The following PXDNL variants were observed in gnomAD, a reference collection of about 807,000 sequenced individuals.
The protein encoded by PXDNL is probable oxidoreductase PXDNL.
A neutral mutation model predicts 150.8 loss-of-function variants in PXDNL; 145 were observed. That is an observed-to-expected ratio of 0.96 (90% CI 0.84 to 1.10). The LOEUF (loss-of-function observed/expected upper bound fraction) is 1.10, where lower values mean the gene tolerates loss of function less well. Ranked by LOEUF, PXDNL falls within the 50% of genes least tolerant of loss-of-function variation. The probability of loss-of-function intolerance (pLI) is 0.00; values close to 1 mark genes in which losing one functional copy is unlikely to be tolerated. For synonymous variants in PXDNL, 757 were observed against 725.7 expected, an observed-to-expected ratio of 1.04 and a Z score of -0.69; for missense variants, 2,087 against 1,873.9, an observed-to-expected ratio of 1.11 and a Z score of -2.10.
At chr8:51,463,340 G>A (rs1263695549) in intron 8 of PXDNL, among the ~76,000 whole-genome samples, 1 of 152,140 alleles carries the variant, frequency 6.6e-6, no homozygotes, top group Non-Finnish European at 1.5e-5. Flanking sequence ...TGGCAAGTTG[G>A]ATTTTTAAAA....
At chr8:51,658,104 G>A (rs1412479664) in intron 1 of PXDNL, among the ~76,000 whole-genome samples, 2 of 152,108 alleles carry the variant, frequency 1.3e-5, no homozygotes, top group African/African-American at 4.8e-5. Context: ...AGCACTTTGG[G>A]AGGCTGAGGC....
intron 8 of PXDNL, among the ~76,000 whole-genome samples, chr8:51,460,623 C>G (rs964302620): frequency 1.3e-5 from 2 of 151,412 alleles, no homozygotes; most frequent in Admixed American, 6.6e-5. Flanking sequence ...GTGCCAAGAC[C>G]CGTTCCTAGT....
chr8:51,569,371 TA>T (rs997211956), intron 3 of PXDNL, among the ~76,000 whole-genome samples: 2 of 151,958 alleles, frequency 1.3e-5, no homozygotes, highest in African/African-American at 4.8e-5. Context: ...ATTTTCAAAG[TA>T]AAATTTGGAG....
At chr8:51,669,659 A>G (rs1290944451) in intron 1 of PXDNL, among the ~76,000 whole-genome samples, 3 of 152,128 alleles carry the variant, frequency 2.0e-5, no homozygotes, top group Non-Finnish European at 4.4e-5. Flanking sequence ...GTTAGATGGA[A>G]TTCCTGATTT....
intron 1 of PXDNL, among the ~76,000 whole-genome samples, chr8:51,762,835 T>C (rs2037179194): frequency 6.6e-6 from 1 of 152,150 alleles, no homozygotes; most frequent in Non-Finnish European, 1.5e-5. Context: ...TTTACAGAGT[T>C]TGACTCTTTT....
chr8:51,792,794 G>A (rs1374586660), intron 1 of PXDNL, among the ~76,000 whole-genome samples: 3 of 152,174 alleles, frequency 2.0e-5, no homozygotes, highest in East Asian at 1.9e-4. Flanking sequence ...TGGAGTTTCC[G>A]CAACTCCAGC....
chr8:51,540,434 G>A (rs60123283), intron 4 of PXDNL, among the ~76,000 whole-genome samples: 5,152 of 151,936 alleles, frequency 0.034, 298 homozygotes, highest in African/African-American at 0.12. Flanking sequence ...TTGAGTTTTC[G>A]TTCTTATTCT....
rs887530367 is a variant in PXDNL, at chr8:51,494,140, A to G, written c.452+5559T>C. Reference sequence around the variant, plus strand: ...GGGCCAATATTCAACATTCTTAAAGAAAAGAATTTTCAACCCAGAATTTCA... The same window carrying G: ...GGGCCAATATTCAACATTCTTAAAGGAAAGAATTTTCAACCCAGAATTTCA... On this transcript the variant is annotated intron_variant, in intron 5 of 22. Coordinates refer to ENST00000356297, the MANE Select transcript of PXDNL (RefSeq NM_144651.5). 2.2e-4 allele frequency among the ~76,000 whole-genome samples: 32 copies of G among 144,744 alleles called. 1 individual carries two copies. The highest frequency in any genetic ancestry group is 1.2e-3 in the Admixed American group (17 of 14,502). 95.0% of individuals were successfully genotyped at this position (144,744 alleles called of 152,430 possible). A position where few individuals can be genotyped will look rare whatever the true frequency, so the allele number is the denominator to read the frequency against.
At chr8:51,557,337 A>T (rs537551164) in intron 3 of PXDNL, among the ~76,000 whole-genome samples, 1 of 152,298 alleles carries the variant, frequency 6.6e-6, no homozygotes, top group Admixed American at 6.5e-5. Context: ...CATCTTAGAG[A>T]TGCATAAGAT....
At chr8:51,778,750 A>C (rs1409622966) in intron 1 of PXDNL, among the ~76,000 whole-genome samples, 1 of 152,194 alleles carries the variant, frequency 6.6e-6, no homozygotes, top group African/African-American at 2.4e-5. Flanking sequence ...TTTCACTTTT[A>C]AATGAAAGAT....
Position 51,388,217 on chromosome 8 carries a change from C to G in PXDNL, c.3558-13486G>C, listed in dbSNP as rs555789849. On this transcript the variant is annotated intron_variant, in intron 17 of 22. Coordinates refer to ENST00000356297, the MANE Select transcript of PXDNL (RefSeq NM_144651.5). Reference sequence around the variant, plus strand: ...TTTTGATATTGGCTTTCTTATTATTCGAAGACCAAATAGAAAATTATTCAA... The same window carrying G: ...TTTTGATATTGGCTTTCTTATTATTGGAAGACCAAATAGAAAATTATTCAA... Among the ~76,000 whole-genome samples, 22 of 152,170 alleles carry G rather than the reference C, an allele frequency of 1.4e-4. 1 individual carries two copies. The highest frequency in any genetic ancestry group is 5.1e-4 in the African/African-American group (21 of 41,532).
intron 8 of PXDNL, among the ~76,000 whole-genome samples, chr8:51,466,035 A>T (rs1162584640): frequency 6.6e-6 from 1 of 151,904 alleles, no homozygotes; most frequent in Non-Finnish European, 1.5e-5. Context: ...TCACAGATTT[A>T]GAAAAAAAAA....
chr8:51,688,793 A>G (rs1290441880), intron 1 of PXDNL, among the ~76,000 whole-genome samples: 2 of 152,226 alleles, frequency 1.3e-5, no homozygotes, highest in Non-Finnish European at 2.9e-5. Flanking sequence ...AAAGGAGGGC[A>G]TGCATATTTT....
At chr8:51,767,648 A>G (rs1469889153) in intron 1 of PXDNL, among the ~76,000 whole-genome samples, 1 of 151,940 alleles carries the variant, frequency 6.6e-6, no homozygotes, top group East Asian at 1.9e-4. Context: ...ACCTACAGAT[A>G]CTCTTTTCAA....
At chr8:51,555,011 A>C (rs1471840733) in intron 4 of PXDNL, among the ~76,000 whole-genome samples, 2 of 152,194 alleles carry the variant, frequency 1.3e-5, no homozygotes, top group African/African-American at 4.8e-5. Flanking sequence ...TGTTTGTCAC[A>C]GTAACACCCT....
At chr8:51,484,802 C>A (rs1057172984) in intron 5 of PXDNL, among the ~76,000 whole-genome samples, 6 of 152,166 alleles carry the variant, frequency 3.9e-5, no homozygotes, top group Non-Finnish European at 7.3e-5. Context: ...TTGGCTATAC[C>A]CATTCCCCTC....
At position 51,522,609 on chromosome 8, in the gene PXDNL, C is replaced by T. The variant is rs548148151; in HGVS notation, c.381-22839G>A. Reference sequence around the variant, plus strand: ...CTGTAATCCCAGCACTTTGGGGGGCCGAAGTGGGTGGATCACCTGAGGTCA... The same window carrying T: ...CTGTAATCCCAGCACTTTGGGGGGCTGAAGTGGGTGGATCACCTGAGGTCA... On this transcript the variant is annotated intron_variant, in intron 4 of 22. Transcript: ENST00000356297. Among the ~76,000 whole-genome samples the T allele has an allele frequency of 2.0e-3, 298 of 152,152 alleles. 1 individual carries two copies. Among genetic ancestry groups the T allele is most frequent in the Non-Finnish European group, 5.0e-4 (34 of 68,006 alleles).
intron 8 of PXDNL, among the ~76,000 whole-genome samples, chr8:51,463,950 G>C (rs1336431905): frequency 6.6e-6 from 1 of 151,342 alleles, no homozygotes; most frequent in Non-Finnish European, 1.5e-5. Flanking sequence ...GCAATGTTAA[G>C]AGGAGAGTTT....
intron 14 of PXDNL, among the ~76,000 whole-genome samples, chr8:51,416,584 A>C (rs1808806806): frequency 6.6e-6 from 1 of 152,234 alleles, no homozygotes. Context: ...TGCATGTTGC[A>C]ATGCACATAT....
Sources: allele counts gnomAD v4.1 joint callset (sites outside exome capture counted in the v4.1 genomes callset), GRCh38; gene constraint gnomAD v4.1.1; transcripts MANE v1.5; gene names NCBI Gene and HGNC (gene_info 2026-07-23, HGNC 2026-07-21).